CACNA1I: variants seen among roughly 807,000 people sequenced by gnomAD.
CACNA1I encodes calcium voltage-gated channel subunit alpha1 I.
CACNA1I carries 74 observed loss-of-function variants against 201.6 expected under a neutral mutation model. The observed-to-expected ratio is 0.37, with a 90% confidence interval of 0.30 to 0.45. The LOEUF is 0.45. Among genes scored for constraint, CACNA1I ranks in the 20% least tolerant of loss-of-function variants. The pLI is 1.00. For missense variants in CACNA1I, 2,346 were observed against 3,138.1 expected (o/e 0.75, Z 6.03); for synonymous variants, 1,431 against 1,345.2 (o/e 1.06, Z -1.40).
rs957160346 is a variant in CACNA1I at position 39,685,095 on chromosome 22, C to G, written c.6027+597C>G. The G allele has an allele frequency of 4.7e-5, 8 of 171,042 alleles. No individual in the cohort carries two copies. Among genetic ancestry groups the G allele is most frequent in the African/African-American group, 1.4e-4 (6 of 41,848 alleles). 10.6% of individuals were successfully genotyped at this position (171,042 alleles called of 1,614,324 possible). A position where few individuals can be genotyped will look rare whatever the true frequency, so the allele number is the denominator to read the frequency against. On this transcript the variant is annotated intron_variant, in intron 36 of 36. Coordinates refer to ENST00000402142, the MANE Select transcript of CACNA1I (RefSeq NM_021096.4). The surrounding 1 kb of genome is among the most constrained non-coding windows in gnomAD (Gnocchi z 5.0). ...TGATTCACTGGGTGACTGTCTGACC[C>G]GTCACACCAGGCTGTGTGCTCTGGC...
In CACNA1I at chr22:39,686,422, C is replaced by G; in HGVS notation, c.*17C>G. On this transcript the variant is annotated 3_prime_UTR_variant, in exon 37 of 37. Coordinates refer to ENST00000402142, the MANE Select transcript of CACNA1I (RefSeq NM_021096.4). ...AAGAGATGAGGGTCGCAGGGGCCCC[C>G]GGCCGCCCACCGCCCGCCCCGTCTC... 3 of 1,225,926 alleles carry G rather than the reference C, an allele frequency of 2.4e-6. No homozygotes were observed. The highest frequency in any genetic ancestry group is 3.1e-6 in the Non-Finnish European group (3 of 978,836). 75.9% of individuals were successfully genotyped at this position (1,225,926 alleles called of 1,614,324 possible).
rs565675819 is a variant in CACNA1I, at chr22:39,665,335, C to T, written c.3852-163C>T. 7.2e-5 allele frequency among the ~76,000 whole-genome samples: 11 copies of T among 152,262 alleles called. No individual in the cohort carries two copies. Among genetic ancestry groups the T allele is most frequent in the Middle Eastern group, 3.4e-3 (1 of 294 alleles). On this transcript the variant is annotated intron_variant, in intron 21 of 36. Transcript: ENST00000402142. This position sits in a 1 kb window ranked among gnomAD's most constrained non-coding sequence, Gnocchi z 5.5. ...TGTCTGGGCTGCCTGGCCACTTTCT[C>T]TGCATTCCTGGAGACTGTCCTCATG...
intron 1 of CACNA1I, among the ~76,000 whole-genome samples, chr22:39,589,975 C>T (rs540295833): frequency 6.6e-6 from 1 of 152,158 alleles, no homozygotes; most frequent in Admixed American, 6.5e-5. Context: ...CCCGCCCCCA[C>T]CAGCCTCCCA....
At chr22:39,675,757 G>C (rs1158865534) in intron 29 of CACNA1I, among the ~76,000 whole-genome samples, 2 of 152,138 alleles carry the variant, frequency 1.3e-5, no homozygotes, top group Admixed American at 1.3e-4. Context: ...TGGGCTTTGA[G>C]GGGTGGGGAG....
chr22:39,674,043 ACT>A lies in CACNA1I; in HGVS notation c.4854+13_4854+14del. On this transcript the variant is annotated intron_variant, in intron 29 of 36. Transcript: ENST00000402142. ...GCAAGCTTTGCCCCAGGTAAGAGCC[ACT>A]CTTTCTGGCAGCCCTCCTAGGGGTC... 1.2e-6 allele frequency: 2 copies of A among 1,612,000 alleles called. No individual in the cohort carries two copies.
intron 8 of CACNA1I, 26 bp from the exon 9 acceptor site, chr22:39,647,796 A>G: frequency 6.9e-7 from 1 of 1,450,248 alleles, no homozygotes; most frequent in Non-Finnish European, 9.7e-7. Flanking sequence ...AAGGGAGAAG[A>G]TAGTAATATT....
chr22:39,583,283 A>C (rs1346180035), intron 1 of CACNA1I, among the ~76,000 whole-genome samples: 1 of 143,864 alleles, frequency 7.0e-6, no homozygotes, highest in Non-Finnish European at 1.5e-5. Flanking sequence ...CACCCTTCCA[A>C]CCCTCCAACC....
intron 2 of CACNA1I, among the ~76,000 whole-genome samples, chr22:39,598,953 T>TTG (rs1569055117): frequency 2.3e-5 from 3 of 131,822 alleles, no homozygotes; most frequent in South Asian, 5.6e-4. Context: ...TTTTTTTTTT[T>TTG]TTTTTTTTTT....
At chr22:39,664,183 C>A in intron 20 of CACNA1I, 24 bp downstream of exon 20, 2 of 1,592,634 alleles carry the variant, frequency 1.3e-6, no homozygotes, top group Middle Eastern at 1.7e-4. Context: ...TCACCCGGGA[C>A]CCCTGCTAGC....
intron 1 of CACNA1I, among the ~76,000 whole-genome samples, chr22:39,572,184 C>T (rs1932206296): frequency 6.6e-6 from 1 of 152,038 alleles, no homozygotes; most frequent in Admixed American, 6.5e-5. Context: ...GAGATCTGTG[C>T]TCTGGAAGGA....
intron 35 of CACNA1I, 68 bp downstream of exon 35, chr22:39,682,729 G>C: frequency 7.1e-7 from 1 of 1,412,330 alleles, no homozygotes; most frequent in Non-Finnish European, 9.6e-7. Flanking sequence ...GAGGGAGATG[G>C]CTGAGTTTTT....
At chr22:39,582,542 T>C (rs1384955073) in intron 1 of CACNA1I, among the ~76,000 whole-genome samples, 1 of 152,010 alleles carries the variant, frequency 6.6e-6, no homozygotes, top group African/African-American at 2.4e-5. Context: ...TGAGATCTCT[T>C]GAAGCTCTGA....
chr22:39,633,270 C>G (rs188234591), intron 4 of CACNA1I, among the ~76,000 whole-genome samples: 19 of 152,282 alleles, frequency 1.2e-4, no homozygotes, highest in Admixed American at 5.2e-4. Context: ...ACTGAGGTGA[C>G]TTAGACAAGG....
chr22:39,677,235 G>A lies in CACNA1I; in HGVS notation c.4855-106G>A, dbSNP rs1935539025. 1 of 713,026 alleles carries A rather than the reference G, an allele frequency of 1.4e-6. No homozygotes were observed. Among genetic ancestry groups the A allele is most frequent in the Non-Finnish European group, 2.4e-6 (1 of 414,160 alleles). The allele number at this position is 713,026 out of a possible 1,614,324, so 44.2% of individuals were successfully genotyped here. ...CCTGGGGGAATGTTACAGCTGCTCTGACCCACAGGCTGCCCAACCCCACTG... is the reference window on the plus strand; with the variant it reads ...CCTGGGGGAATGTTACAGCTGCTCTAACCCACAGGCTGCCCAACCCCACTG... On this transcript the variant is annotated intron_variant, in intron 29 of 36. Coordinates refer to ENST00000402142, the MANE Select transcript of CACNA1I (RefSeq NM_021096.4). The surrounding 1 kb of genome is among the most constrained non-coding windows in gnomAD (Gnocchi z 4.8).
At chr22:39,674,126 A>C in intron 29 of CACNA1I, 93 bp downstream of exon 29, 4 of 1,200,678 alleles carry the variant, frequency 3.3e-6, no homozygotes, top group Non-Finnish European at 3.6e-6. Flanking sequence ...TTCTCCTCAC[A>C]TCTGCCAGAG....
rs113993821 is a variant in CACNA1I at position 39,667,408 on chromosome 22, G to C, written c.4105-884G>C. ...GGCCCACAGTGGCAGGAGCGCAGAG[G>C]GGGGTGAGACCACCTCTGCCCTGGG... On this transcript the variant is annotated intron_variant, in intron 23 of 36. Coordinates refer to ENST00000402142, the MANE Select transcript of CACNA1I (RefSeq NM_021096.4). Among the ~76,000 whole-genome samples the C allele has an allele frequency of 5.9e-5, 9 of 152,276 alleles. No homozygotes were observed. In the East Asian group the frequency reaches 1.2e-3, roughly 20 times the overall value.
In CACNA1I at chr22:39,659,258, G is replaced by A; in HGVS notation, c.2330+142G>A. 1 of 1,114,612 alleles carries A rather than the reference G, an allele frequency of 9.0e-7. No homozygotes were observed. Among genetic ancestry groups the A allele is most frequent in the Non-Finnish European group, 1.3e-6 (1 of 775,754 alleles). 69.0% of individuals were successfully genotyped at this position (1,114,612 alleles called of 1,614,324 possible). On this transcript the variant is annotated intron_variant, in intron 12 of 36. Transcript: ENST00000402142. The surrounding 1 kb of genome is among the most constrained non-coding windows in gnomAD (Gnocchi z 4.3). Reference sequence around the variant, plus strand: ...GCCTGACACTGTTCCTCAGTCCCCTGTGGCTTTCAGCAAGCATGAACCCCT... The same window carrying A: ...GCCTGACACTGTTCCTCAGTCCCCTATGGCTTTCAGCAAGCATGAACCCCT...
intron 18 of CACNA1I, among the ~76,000 whole-genome samples, chr22:39,663,411 G>A (rs774627092): frequency 6.6e-6 from 1 of 152,160 alleles, no homozygotes; most frequent in Non-Finnish European, 1.5e-5. Context: ...CTGAGGGAAG[G>A]CCTGGGGCAG....
chr22:39,660,490 C>A, intron 15 of CACNA1I, 53 bp downstream of exon 15: 2 of 1,314,916 alleles, frequency 1.5e-6, no homozygotes, highest in Admixed American at 1.9e-5. Flanking sequence ...CTCCACAGAT[C>A]CAGGTGGGCA....
Sources: gnomAD v4.1 joint callset for allele counts (sites outside exome capture counted in the v4.1 genomes callset) on GRCh38, gnomAD v4.1.1 for gene constraint, Gnocchi (gnomAD v3.1) non-coding constraint, MANE v1.5 for transcripts, NCBI Gene and HGNC (gene_info 2026-07-23, HGNC 2026-07-21) for gene names.